The following HPSE2 variants were observed in gnomAD, a reference collection of about 807,000 sequenced individuals.
The protein encoded by HPSE2 is heparanase 2 (inactive).
Under a neutral mutation model 60.5 loss-of-function variants are expected in HPSE2, and 38 were observed. The observed-to-expected ratio is 0.63, with a 90% confidence interval of 0.48 to 0.82. The LOEUF (loss-of-function observed/expected upper bound fraction) is 0.82. Ranked by LOEUF, HPSE2 falls within the 40% of genes least tolerant of loss-of-function variation. HPSE2 has a pLI of 0.00. For missense variants in HPSE2, 713 were observed against 740.4 expected (o/e 0.96, Z 0.43); for synonymous variants, 295 against 293.2 (o/e 1.01, Z -0.06).
At chr10:98,960,745 T>TTA (rs1564692934) in intron 3 of HPSE2, among the ~76,000 whole-genome samples, 10 of 136,190 alleles carry the variant, frequency 7.3e-5, no homozygotes, top group African/African-American at 1.1e-4. Flanking sequence ...ATTTTATTTT[T>TTA]TTTTTTATTA....
At chr10:99,227,077 G>A (rs1849497317) in intron 2 of HPSE2, among the ~76,000 whole-genome samples, 1 of 152,052 alleles carries the variant, frequency 6.6e-6, no homozygotes, top group Non-Finnish European at 1.5e-5. Context: ...TATTTTGGCA[G>A]TTGTGCTGTT....
intron 3 of HPSE2, among the ~76,000 whole-genome samples, chr10:99,033,644 A>T (rs1251166391): frequency 6.6e-6 from 1 of 152,048 alleles, no homozygotes; most frequent in Non-Finnish European, 1.5e-5. Flanking sequence ...TTAGCCAAGC[A>T]TGGTGGTAGG....
chr10:98,795,778 C>T (rs1265047161), intron 3 of HPSE2, among the ~76,000 whole-genome samples: 1 of 152,210 alleles, frequency 6.6e-6, no homozygotes, highest in African/African-American at 2.4e-5. Flanking sequence ...CTTCCTTCTA[C>T]TTATACAGAG....
At chr10:99,118,664 AC>A (rs1844811267) in intron 3 of HPSE2, among the ~76,000 whole-genome samples, 1 of 151,820 alleles carries the variant, frequency 6.6e-6, no homozygotes, top group South Asian at 2.1e-4. Flanking sequence ...CTCTCTCACC[AC>A]TCCATTCAAT....
intron 3 of HPSE2, among the ~76,000 whole-genome samples, chr10:99,103,367 T>C (rs996437084): frequency 2.0e-5 from 3 of 151,904 alleles, no homozygotes; most frequent in African/African-American, 7.3e-5. Context: ...ACATCATCAG[T>C]GAACTCCCAT....
intron 3 of HPSE2, among the ~76,000 whole-genome samples, chr10:99,135,362 T>C (rs761495475): frequency 1.8e-4 from 28 of 152,298 alleles, no homozygotes; most frequent in Non-Finnish European, 3.5e-4. Context: ...GAAGACCTAA[T>C]AGACATCTCC....
In HPSE2 at chr10:98,874,046, T is replaced by C. The variant is rs537708462; in HGVS notation, c.611-129990A>G. Among the ~76,000 whole-genome samples, 6 of 152,262 alleles carry C rather than the reference T, an allele frequency of 3.9e-5. No homozygotes were observed. In the South Asian group the frequency reaches 1.2e-3, roughly 32 times the overall value. The stretch of plus-strand genomic sequence containing the variant: ...GTGTCTGTTCATATCCTTTGCCTAC[T>C]TTTTGATGGAGTTGTTTCTTATCAA... On this transcript the variant is annotated intron_variant, in intron 3 of 11. Transcript: ENST00000370552.
chr10:98,693,499 A>G (rs980039288), intron 6 of HPSE2, among the ~76,000 whole-genome samples: 7 of 152,122 alleles, frequency 4.6e-5, no homozygotes, highest in African/African-American at 1.7e-4. Flanking sequence ...TAATATAACA[A>G]AATGTTTCTA....
chr10:99,068,552 T>C (rs1842686275), intron 3 of HPSE2, among the ~76,000 whole-genome samples: 1 of 152,180 alleles, frequency 6.6e-6, no homozygotes, highest in South Asian at 2.1e-4. Flanking sequence ...CATGATTCAA[T>C]TATCTCCACC....
chr10:98,703,144 A>G (rs1442309935), intron 5 of HPSE2, among the ~76,000 whole-genome samples: 4 of 152,226 alleles, frequency 2.6e-5, no homozygotes, highest in African/African-American at 9.6e-5. Context: ...ACCATCAGAA[A>G]ATGCTATAAA....
intron 3 of HPSE2, among the ~76,000 whole-genome samples, chr10:98,869,585 CAG>C (rs1342314696): frequency 1.3e-5 from 2 of 152,130 alleles, no homozygotes; most frequent in Non-Finnish European, 2.9e-5. Context: ...AGTTCCGTCA[CAG>C]ACTTTCTTCT....
In HPSE2 at chr10:98,759,610, G is replaced by A. The variant is rs376844634; in HGVS notation, c.611-15554C>T. ...AAAGATCAGTTGACTAAAAATGTGT[G>A]GGTTTATTGCTGGGTTCTCTGTTCT... On this transcript the variant is annotated intron_variant, in intron 3 of 11. Transcript: ENST00000370552. Among the ~76,000 whole-genome samples the A allele has an allele frequency of 5.3e-5, 8 of 152,118 alleles. No homozygotes were observed. The East Asian group carries it at 1.5e-3, about 29-fold the overall frequency.
intron 3 of HPSE2, among the ~76,000 whole-genome samples, chr10:99,119,237 AC>A (rs1327508322): frequency 1.3e-5 from 2 of 152,132 alleles, no homozygotes; most frequent in Non-Finnish European, 1.5e-5. Context: ...CTGATAAATA[AC>A]TTCAGCAAAG....
intron 10 of HPSE2, among the ~76,000 whole-genome samples, chr10:98,485,498 G>A (rs554291367): frequency 6.6e-6 from 1 of 152,200 alleles, no homozygotes; most frequent in East Asian, 1.9e-4. Context: ...AGCTTTTGTA[G>A]CTAAATGAGT....
chr10:98,542,021 G>A (rs1174853708), intron 9 of HPSE2, among the ~76,000 whole-genome samples: 4 of 58,138 alleles, frequency 6.9e-5, no homozygotes, highest in Admixed American at 4.9e-4. Context: ...GCCTCCTCAA[G>A]TGGGTCCCTG....
the HPSE2 span, among the ~76,000 whole-genome samples, chr10:99,300,344 T>C: frequency 6.6e-6 from 1 of 152,186 alleles, no homozygotes; most frequent in Non-Finnish European, 1.5e-5. Flanking sequence ...ACAATCTCCA[T>C]GGAAGAACCT....
At chr10:99,232,245 A>G (rs1589850251) in intron 2 of HPSE2, 103 bp downstream of exon 2, 14 of 1,349,978 alleles carry the variant, frequency 1.0e-5, no homozygotes, top group Admixed American at 2.0e-5. Flanking sequence ...ACACACACAC[A>G]CACACACACA....
At chr10:98,710,738 A>G (rs1948655788) in intron 5 of HPSE2, among the ~76,000 whole-genome samples, 1 of 152,154 alleles carries the variant, frequency 6.6e-6, no homozygotes, top group African/African-American at 2.4e-5. Context: ...TGGGATTCAA[A>G]CCCAATTCTG....
rs1006741745 is a variant in HPSE2, at chr10:99,120,743, A to G, written c.610+23495T>C. ...TGCCTCAGCCTCTCAAAGTTCTGGG[A>G]TTACAGGCATGAGCCACCATGCTCG... On this transcript the variant is annotated intron_variant, in intron 3 of 11. Coordinates refer to ENST00000370552, the MANE Select transcript of HPSE2 (RefSeq NM_021828.5). Among the ~76,000 whole-genome samples, 2 of 152,200 alleles carry G rather than the reference A, an allele frequency of 1.3e-5. 1 individual carries two copies. Among genetic ancestry groups the G allele is most frequent in the East Asian group, 3.9e-4 (2 of 5,194 alleles).
Sources: allele counts gnomAD v4.1 joint callset (sites outside exome capture counted in the v4.1 genomes callset), GRCh38; gene constraint gnomAD v4.1.1; transcripts MANE v1.5; gene names NCBI Gene and HGNC (gene_info 2026-07-23, HGNC 2026-07-21).